The following SEMA5A variants were observed in gnomAD, a reference collection of about 807,000 sequenced individuals.
SEMA5A encodes semaphorin 5A.
Under a neutral mutation model 135.5 loss-of-function variants are expected in SEMA5A, and 55 were observed. The ratio of observed to expected loss-of-function variants is 0.41; its 90% CI spans 0.33 to 0.51. The LOEUF (loss-of-function observed/expected upper bound fraction) is 0.51. Among genes scored for constraint, SEMA5A ranks in the 20% least tolerant of loss-of-function variants. The pLI is 0.37. For missense variants in SEMA5A, 1,290 were observed against 1,419.9 expected (o/e 0.91, Z 1.47); for synonymous variants, 580 against 546.5 (o/e 1.06, Z -0.85).
chr5:9,130,725 T>C (rs190191699), intron 13 of SEMA5A, among the ~76,000 whole-genome samples: 1 of 152,366 alleles, frequency 6.6e-6, no homozygotes, highest in African/African-American at 2.4e-5. Context: ...ATTAAGATTC[T>C]ATCACAAAAT....
At chr5:9,219,984 A>AC (rs1746843071) in intron 8 of SEMA5A, among the ~76,000 whole-genome samples, 1 of 152,198 alleles carries the variant, frequency 6.6e-6, no homozygotes, top group South Asian at 2.1e-4. Flanking sequence ...AATAGAAAAA[A>AC]AAATGTGATT....
At chr5:9,107,405 T>C (rs1186200867) in intron 16 of SEMA5A, among the ~76,000 whole-genome samples, 3 of 152,158 alleles carry the variant, frequency 2.0e-5, no homozygotes, top group African/African-American at 4.8e-5. Flanking sequence ...CCTCTCTGCA[T>C]TGGCACCAGC....
At chr5:9,191,201 G>A (rs945640382) in intron 10 of SEMA5A, among the ~76,000 whole-genome samples, 11 of 152,042 alleles carry the variant, frequency 7.2e-5, no homozygotes, top group African/African-American at 2.7e-4. Flanking sequence ...AAGAAGGAAG[G>A]AAAGAGATTT....
chr5:9,319,744 G>T (rs1393443254), intron 4 of SEMA5A, among the ~76,000 whole-genome samples: 1 of 149,486 alleles, frequency 6.7e-6, no homozygotes, highest in Non-Finnish European at 1.5e-5. Context: ...CAAGGATGCT[G>T]TTATAATGGG....
intron 16 of SEMA5A, among the ~76,000 whole-genome samples, chr5:9,104,662 G>A (rs1001588421): frequency 6.6e-6 from 1 of 152,182 alleles, no homozygotes; most frequent in Non-Finnish European, 1.5e-5. Context: ...AAACAACCAT[G>A]TGGAGAAGTA....
At chr5:9,082,030 G>A (rs1489008836) in intron 16 of SEMA5A, among the ~76,000 whole-genome samples, 1 of 152,192 alleles carries the variant, frequency 6.6e-6, no homozygotes, top group African/African-American at 2.4e-5. Context: ...CCAAATGAGT[G>A]ATCAGAGCTG....
chr5:9,232,155 A>G (rs1205070795), intron 6 of SEMA5A, among the ~76,000 whole-genome samples: 1 of 152,178 alleles, frequency 6.6e-6, no homozygotes, highest in African/African-American at 2.4e-5. Context: ...TTCTTAATGA[A>G]TTAATTGGTT....
intron 5 of SEMA5A, among the ~76,000 whole-genome samples, chr5:9,249,852 G>A (rs749042407): frequency 6.6e-6 from 1 of 152,128 alleles, no homozygotes; most frequent in East Asian, 1.9e-4. Flanking sequence ...GAATAAGCTG[G>A]TGCAAAGGCC....
At chr5:9,130,932 T>G (rs180731289) in intron 13 of SEMA5A, among the ~76,000 whole-genome samples, 1 of 152,260 alleles carries the variant, frequency 6.6e-6, no homozygotes, top group Admixed American at 6.5e-5. Context: ...TAGACTATAG[T>G]CTATGGTACT....
rs570635781 is a variant in SEMA5A at position 9,258,580 on chromosome 5, C to T, written c.271-20690G>A. ...TTATCCAGGGGAACAAAGAGCTGGG[C>T]TGAATCCTGGTGATGAGATTTACTC... On this transcript the variant is annotated intron_variant, in intron 5 of 22. Transcript: ENST00000382496. 3.9e-5 allele frequency among the ~76,000 whole-genome samples: 6 copies of T among 152,160 alleles called. No homozygotes were observed. The South Asian group carries it at 8.3e-4, about 21-fold the overall frequency.
At chr5:9,251,801 A>C (rs1748805863) in intron 5 of SEMA5A, among the ~76,000 whole-genome samples, 1 of 152,234 alleles carries the variant, frequency 6.6e-6, no homozygotes. Flanking sequence ...TCAAGAGATA[A>C]GAATGAATCA....
rs181362964 is a variant in SEMA5A at position 9,240,737 on chromosome 5, C to T, written c.271-2847G>A. The stretch of plus-strand genomic sequence containing the variant: ...TGAACCAAATACCTCTTAATCAAGC[C>T]TTCTCTTTCATTTCTCAGTGAAAAT... On this transcript the variant is annotated intron_variant, in intron 5 of 22. Coordinates refer to ENST00000382496, the MANE Select transcript of SEMA5A (RefSeq NM_003966.3). Among the ~76,000 whole-genome samples the T allele has an allele frequency of 1.8e-4, 27 of 152,106 alleles. No homozygotes were observed. The East Asian group carries it at 5.2e-3, about 29-fold the overall frequency.
At chr5:9,228,064 C>T (rs150996122) in intron 6 of SEMA5A, among the ~76,000 whole-genome samples, 2 of 152,292 alleles carry the variant, frequency 1.3e-5, no homozygotes, top group East Asian at 3.9e-4. Flanking sequence ...AGCAAGCATT[C>T]ACTGAGTAGC....
At chr5:9,465,823 T>C (rs34479283) in intron 1 of SEMA5A, among the ~76,000 whole-genome samples, 44,034 of 152,092 alleles carry the variant, frequency 0.29, 6,747 homozygotes, top group East Asian at 0.54. Context: ...TACTTTTTAC[T>C]GTTTTGGGTC....
At chr5:9,237,735 G>T in intron 6 of SEMA5A, 93 bp downstream of exon 6, 2 of 1,129,466 alleles carry the variant, frequency 1.8e-6, no homozygotes, top group Non-Finnish European at 2.6e-6. Flanking sequence ...ACATGGCACC[G>T]TAATCAGGAA....
intron 5 of SEMA5A, among the ~76,000 whole-genome samples, chr5:9,281,823 C>CTTT (rs66509315): frequency 6.6e-5 from 8 of 121,664 alleles, no homozygotes; most frequent in Non-Finnish European, 8.4e-5. Context: ...GATACAGGCA[C>CTTT]TTTTTTTTTT....
At chr5:9,289,182 A>T (rs1561111628) in intron 5 of SEMA5A, among the ~76,000 whole-genome samples, 1 of 152,220 alleles carries the variant, frequency 6.6e-6, no homozygotes, top group Non-Finnish European at 1.5e-5. Context: ...CTGTGCATGT[A>T]TATAAGTATA....
At chr5:9,044,687 TC>T in intron 21 of SEMA5A, 103 bp from the exon 22 acceptor site, 1 of 923,412 alleles carries the variant, frequency 1.1e-6, no homozygotes, top group East Asian at 2.6e-5. Context: ...AAAAGCTTCA[TC>T]CCCATTCCAA....
At chr5:9,284,692 C>T (rs1251344093) in intron 5 of SEMA5A, among the ~76,000 whole-genome samples, 2 of 152,098 alleles carry the variant, frequency 1.3e-5, no homozygotes, top group East Asian at 3.9e-4. Flanking sequence ...AATCCCTGAT[C>T]ATGGGCTAAT....
Sources: gnomAD v4.1 joint callset for allele counts (sites outside exome capture counted in the v4.1 genomes callset) on GRCh38, gnomAD v4.1.1 for gene constraint, MANE v1.5 for transcripts, NCBI Gene and HGNC (gene_info 2026-07-23, HGNC 2026-07-21) for gene names.